Variants in ZNF33B observed in about 807,000 individuals in gnomAD.
ZNF33B encodes the protein zinc finger protein 11b (KOX 2).
In ZNF33B, 29 loss-of-function variants were observed where a neutral mutation model predicts 45.8. The ratio of observed to expected loss-of-function variants is 0.63; its 90% CI spans 0.47 to 0.86. ZNF33B has a LOEUF of 0.86. Among genes scored for constraint, ZNF33B ranks in the 40% least tolerant of loss-of-function variants. The probability of loss-of-function intolerance (pLI) is 0.00; values close to 1 mark genes in which losing one functional copy is unlikely to be tolerated. For missense variants in ZNF33B, 831 were observed against 909.9 expected (o/e 0.91, Z 1.12); for synonymous variants, 305 against 307.8 (o/e 0.99, Z 0.10).
rs758847790 is a variant in ZNF33B at position 42,636,923 on chromosome 10, G to A, written c.6C>T (p.Asn2=). Residue 2 remains asparagine (N), a synonymous_variant, in exon 2 of 5, where the codon AAC becomes AAT. Transcript: ENST00000359467. M[N]KVDQKFQGSV... ...AGGGAATTAATAAACAACTTACCTT[G>A]TTCATTTTGTTCTGTTCTTGGAAAG... is the stretch of plus-strand genomic sequence containing the variant. The A allele has an allele frequency of 1.9e-6, 3 of 1,614,128 alleles. No homozygotes were observed. In the South Asian group the frequency reaches 3.3e-5, roughly 18 times the overall value.
chr10:42,587,256 G>A (rs7919880), downstream of ZNF33B, among the ~76,000 whole-genome samples: 22,774 of 152,054 alleles, frequency 0.15, 2,472 homozygotes, highest in African/African-American at 0.31. Context: ...CTGGAGTGCA[G>A]TGGCGCCAAC....
chr10:42,631,750 T>C, intron 4 of ZNF33B, 179 bp downstream of exon 4: 3 of 572,966 alleles, frequency 5.2e-6, no homozygotes, highest in Non-Finnish European at 3.1e-6. Context: ...AAAGGAAAAA[T>C]TTTTTGTGAG....
Position 42,614,159 on chromosome 10 carries a change from G to A in ZNF33B, c.250+17770C>T, listed in dbSNP as rs1838217464. On this transcript the variant is annotated intron_variant, in intron 4 of 4. Transcript: ENST00000359467. ...CATAAAACATGGTGACAGTATGCAT[G>A]CTTGATATAATGTGACAAAAAAGGT... 3 of 154,788 alleles carry A rather than the reference G, an allele frequency of 1.9e-5. No individual in the cohort carries two copies. The Admixed American group carries it at 2.0e-4, about 10-fold the overall frequency. The allele number at this position is 154,788 out of a possible 1,614,324, so 9.6% of individuals were successfully genotyped here. A position where few individuals can be genotyped will look rare whatever the true frequency, so the allele number is the denominator to read the frequency against.
At position 42,594,673 on chromosome 10, in the gene ZNF33B, C is replaced by T. The variant is rs1837320690; in HGVS notation, c.277G>A (p.Glu93Lys). 6.3e-7 allele frequency: 1 copy of T among 1,589,100 alleles called. No homozygotes were observed. Among genetic ancestry groups the T allele is most frequent in the African/African-American group, 1.4e-5 (1 of 73,708 alleles). Residue 93 changes from glutamate to lysine, a missense_variant, in exon 5 of 5, where the codon GAG becomes AAG. Coordinates refer to ENST00000359467, the MANE Select transcript of ZNF33B (RefSeq NM_006955.3). Reference protein sequence around the residue: ...PEVWTADHLKERSQENQSKHL... With the variant: ...PEVWTADHLKKRSQENQSKHL... Reference sequence around the variant, plus strand: ...TTAGATTGATTTTCTTGGCTCCTCTCTTTCAGGTGATCAGCTGTCCAGACT... The same window carrying T: ...TTAGATTGATTTTCTTGGCTCCTCTTTTTCAGGTGATCAGCTGTCCAGACT...
intron 4 of ZNF33B, among the ~76,000 whole-genome samples, chr10:42,630,669 A>G (rs958960192): frequency 2.0e-5 from 3 of 152,178 alleles, no homozygotes; most frequent in Non-Finnish European, 4.4e-5. Flanking sequence ...AGCTACCACA[A>G]TCACTCATAA....
chr10:42,634,761 A>G (rs1839212689), intron 2 of ZNF33B, among the ~76,000 whole-genome samples: 1 of 152,250 alleles, frequency 6.6e-6, no homozygotes, highest in Non-Finnish European at 1.5e-5. Context: ...CCTCATACAA[A>G]AGTAGACACC....
chr10:42,615,084 CA>C (rs1196536569), intron 4 of ZNF33B, among the ~76,000 whole-genome samples: 10 of 151,974 alleles, frequency 6.6e-5, no homozygotes, highest in Non-Finnish European at 1.5e-4. Context: ...AAAGTGTTGG[CA>C]AACTGGAGAA....
chr10:42,638,227 G>A lies in ZNF33B; in HGVS notation c.-45+247C>T, dbSNP rs576122127. On this transcript the variant is annotated intron_variant, in intron 1 of 4. Transcript: ENST00000359467. ...GGCTCAGCGCTCGGACCGCGCAAGC[G>A]CACATGCCCTCCTCCGCGGCCCCTA... Among the ~76,000 whole-genome samples the A allele has an allele frequency of 1.1e-4, 17 of 152,382 alleles. No homozygotes were observed. In the South Asian group the frequency reaches 3.1e-3, roughly 28 times the overall value.
At position 42,577,897 on chromosome 10, in the gene ZNF33B, A is replaced by T. The variant is rs1431259712; in HGVS notation, c.74-3219T>A. 2.0e-5 allele frequency among the ~76,000 whole-genome samples: 3 copies of T among 152,278 alleles called. No homozygotes were observed. The East Asian group carries it at 5.8e-4, about 29-fold the overall frequency. On this transcript the variant is annotated intron_variant, in intron 1 of 1. Coordinates refer to the ZNF33B transcript ENST00000462075. ...AGGAGGCCTACATAGAAAACTAAAG[A>T]CTGAGACATCAGGCGGCTGCCCTGA... is the stretch of plus-strand genomic sequence containing the variant.
At chr10:42,604,569 T>A (rs1837760080) in intron 4 of ZNF33B, among the ~76,000 whole-genome samples, 2 of 151,624 alleles carry the variant, frequency 1.3e-5, no homozygotes, top group East Asian at 3.9e-4. Context: ...ACAATGAAAA[T>A]TCTGGATTCA....
chr10:42,631,622 T>G (rs1258539595), intron 4 of ZNF33B, among the ~76,000 whole-genome samples: 1 of 152,100 alleles, frequency 6.6e-6, no homozygotes, highest in Non-Finnish European at 1.5e-5. Context: ...GAGGTTAAGG[T>G]GGGACACTGA....
chr10:42,635,737 G>A (rs1839267619), intron 2 of ZNF33B, among the ~76,000 whole-genome samples: 1 of 148,958 alleles, frequency 6.7e-6, no homozygotes, highest in Non-Finnish European at 1.5e-5. Context: ...TTGAACCAGG[G>A]AATCGGAGGT....
At chr10:42,587,054 C>A (rs1334096304), downstream of ZNF33B, among the ~76,000 whole-genome samples, 1 of 151,912 alleles carries the variant, frequency 6.6e-6, no homozygotes, top group Non-Finnish European at 1.5e-5. Flanking sequence ...AGGAGAGGGG[C>A]AAAAAGGGCC....
intron 4 of ZNF33B, among the ~76,000 whole-genome samples, chr10:42,605,935 A>G (rs982941048): frequency 3.3e-5 from 5 of 151,986 alleles, no homozygotes; most frequent in African/African-American, 1.2e-4. Flanking sequence ...ATCTCTAAAA[A>G]AAAATGTGTT....
intron 1 of ZNF33B, among the ~76,000 whole-genome samples, chr10:42,583,641 AAT>A (rs1412471280): frequency 6.6e-6 from 1 of 152,120 alleles, no homozygotes; most frequent in Non-Finnish European, 1.5e-5. Context: ...GTGATAATCT[AAT>A]AGTCTATGGT....
intron 4 of ZNF33B, among the ~76,000 whole-genome samples, chr10:42,627,045 C>T (rs1838841708): frequency 6.6e-6 from 1 of 151,318 alleles, no homozygotes; most frequent in African/African-American, 2.4e-5. Context: ...CTCTGTTGCC[C>T]AGGCTAGAAT....
chr10:42,623,279 G>C (rs1838669272), intron 4 of ZNF33B, among the ~76,000 whole-genome samples: 1 of 152,154 alleles, frequency 6.6e-6, no homozygotes, highest in South Asian at 2.1e-4. Context: ...ACAAATATCT[G>C]TGTATATATA....
At position 42,638,494 on chromosome 10, in the gene ZNF33B, C is replaced by A. The variant is rs1402457450; in HGVS notation, c.-65G>T. On this transcript the variant is annotated 5_prime_UTR_variant, in exon 1 of 5. The change abolishes an upstream ATG in the 5' untranslated region. Coordinates refer to ENST00000359467, the MANE Select transcript of ZNF33B (RefSeq NM_006955.3). The stretch of plus-strand genomic sequence containing the variant: ...CTTACCTCACTCTCTCTTCGGGTTG[C>A]ATTCGCCATAAGAGAGCCGGTAGAC... 2 of 470,224 alleles carry A rather than the reference C, an allele frequency of 4.3e-6. No homozygotes were observed. The highest frequency in any genetic ancestry group is 1.3e-4 in the East Asian group (2 of 15,958). The allele number at this position is 470,224 out of a possible 1,614,324, so 29.1% of individuals were successfully genotyped here. A position where few individuals can be genotyped will look rare whatever the true frequency, so the allele number is the denominator to read the frequency against.
intron 2 of ZNF33B, among the ~76,000 whole-genome samples, chr10:42,633,491 G>C (rs1288458710): frequency 1.3e-5 from 2 of 152,042 alleles, no homozygotes; most frequent in African/African-American, 4.8e-5. Flanking sequence ...ATGCAAATAG[G>C]GCATGAATAA....
Sources: allele counts gnomAD v4.1 joint callset (sites outside exome capture counted in the v4.1 genomes callset), GRCh38; gene constraint gnomAD v4.1.1; transcripts MANE v1.5; gene names NCBI Gene and HGNC (gene_info 2026-07-23, HGNC 2026-07-21).